The following EHHADH variants were observed in gnomAD, a reference collection of about 807,000 sequenced individuals.
EHHADH encodes enoyl-CoA hydratase and 3-hydroxyacyl CoA dehydrogenase.
EHHADH carries 48 observed loss-of-function variants against 64.4 expected under a neutral mutation model. That is an observed-to-expected ratio of 0.75 (90% CI 0.59 to 0.95). The LOEUF (loss-of-function observed/expected upper bound fraction) is 0.95. EHHADH is among the 40% of genes least tolerant of loss of function. EHHADH has a pLI of 0.00. For synonymous variants in EHHADH, 308 were observed against 326.7 expected, an observed-to-expected ratio of 0.94 and a Z score of 0.62; for missense variants, 854 against 876.6, an observed-to-expected ratio of 0.97 and a Z score of 0.33.
chr3:185,228,962 C>T (rs576587468), intron 4 of EHHADH, among the ~76,000 whole-genome samples: 52 of 151,994 alleles, frequency 3.4e-4, no homozygotes, highest in African/African-American at 1.3e-3. Context: ...TGCCACCATG[C>T]CCAGGTAATT....
chr3:185,229,542 GC>G lies in EHHADH; in HGVS notation c.352del (p.Ala118LeufsTer34), dbSNP rs1401587334. The G allele has an allele frequency of 1.9e-6, 3 of 1,557,012 alleles. No individual in the cohort carries two copies. Among genetic ancestry groups the G allele is most frequent in the African/African-American group, 1.4e-5 (1 of 73,820 alleles). On this transcript the variant is annotated frameshift_variant and splice_region_variant, in exon 4 of 7. Coordinates refer to ENST00000231887, the MANE Select transcript of EHHADH (RefSeq NM_001966.4). LOFTEE classifies it high-confidence loss of function. ...TGTAACTTCTGGTAAGCCAACTTGA[GC>G]CTATCAAAGATTGAAGGCATAAAGG... ...GCHYRIAHAE[A>X]QVGLPEVTLG...
intron 4 of EHHADH, among the ~76,000 whole-genome samples, chr3:185,228,548 C>T (rs1719064769): frequency 1.3e-5 from 2 of 149,518 alleles, no homozygotes; most frequent in African/African-American, 4.9e-5. Context: ...CATGGTAGCA[C>T]ATGCCTGTAA....
intron 6 of EHHADH, among the ~76,000 whole-genome samples, chr3:185,201,692 T>C (rs1425562240): frequency 2.6e-5 from 4 of 152,234 alleles, no homozygotes; most frequent in Non-Finnish European, 2.9e-5. Flanking sequence ...GTGTCTTTTA[T>C]ATATTTAGTA....
At chr3:185,194,199 G>A (rs1717993625) in intron 6 of EHHADH, among the ~76,000 whole-genome samples, 1 of 152,198 alleles carries the variant, frequency 6.6e-6, no homozygotes, top group Admixed American at 6.5e-5. Flanking sequence ...GGTTGGGTGA[G>A]GTGGCTCGTG....
chr3:185,226,434 T>C (rs956495246), intron 4 of EHHADH, among the ~76,000 whole-genome samples: 4 of 151,886 alleles, frequency 2.6e-5, no homozygotes, highest in Admixed American at 2.0e-4. Context: ...GGATCACCTG[T>C]GGTCAGGAGT....
chr3:185,222,241 C>A (rs1718857295), intron 4 of EHHADH, among the ~76,000 whole-genome samples: 1 of 151,938 alleles, frequency 6.6e-6, no homozygotes, highest in African/African-American at 2.4e-5. Context: ...CAAACATTGG[C>A]TGGGTGTGCC....
At chr3:185,240,972 C>G (rs549073286) in intron 2 of EHHADH, among the ~76,000 whole-genome samples, 2 of 152,116 alleles carry the variant, frequency 1.3e-5, no homozygotes, top group African/African-American at 4.8e-5. Flanking sequence ...ACCCTTCCCC[C>G]CCAAATCCCC....
intron 6 of EHHADH, among the ~76,000 whole-genome samples, chr3:185,201,382 G>A (rs1038452312): frequency 5.3e-5 from 8 of 152,200 alleles, no homozygotes; most frequent in Admixed American, 1.3e-4. Context: ...GGGATAGAAC[G>A]ACAAGACCAC....
At chr3:185,210,184 T>C (rs188616076) in intron 5 of EHHADH, among the ~76,000 whole-genome samples, 21 of 152,296 alleles carry the variant, frequency 1.4e-4, no homozygotes, top group Non-Finnish European at 8.8e-5. Flanking sequence ...TGGATCTCTG[T>C]CTTGTGATAC....
chr3:185,206,905 A>AT (rs1553777112), intron 5 of EHHADH, among the ~76,000 whole-genome samples: 1 of 148,180 alleles, frequency 6.7e-6, no homozygotes, highest in African/African-American at 2.5e-5. Context: ...TCAGAATAAC[A>AT]CCCCCCCCAC....
At chr3:185,245,175 C>T (rs1035840424) in intron 2 of EHHADH, among the ~76,000 whole-genome samples, 2 of 152,006 alleles carry the variant, frequency 1.3e-5, no homozygotes, top group African/African-American at 4.8e-5. Flanking sequence ...TTCACTGTTA[C>T]AATAACTTTA....
intron 1 of EHHADH, chr3:185,253,178 G>C (rs974845847): frequency 1.6e-4 from 24 of 152,162 alleles, no homozygotes; most frequent in Non-Finnish European, 2.7e-4. Flanking sequence ...TTGCGTTTCC[G>C]GGCCAGGGCA....
At chr3:185,226,650 C>CAAAAAAA (rs59522852) in intron 4 of EHHADH, among the ~76,000 whole-genome samples, 1 of 133,280 alleles carries the variant, frequency 7.5e-6, no homozygotes, top group African/African-American at 2.9e-5. Flanking sequence ...ACTCCATCTC[C>CAAAAAAA]AAAAAAAAAA....
At chr3:185,226,664 A>AAAG (rs1718985671) in intron 4 of EHHADH, among the ~76,000 whole-genome samples, 1 of 135,750 alleles carries the variant, frequency 7.4e-6, no homozygotes, top group African/African-American at 2.7e-5. Flanking sequence ...AAAAAAAAAA[A>AAAG]AAAGAAAGAA....
At chr3:185,205,079 A>G (rs1718349095) in intron 5 of EHHADH, among the ~76,000 whole-genome samples, 1 of 151,798 alleles carries the variant, frequency 6.6e-6, no homozygotes, top group African/African-American at 2.4e-5. Context: ...TCAATAGATT[A>G]ATATTTAATC....
intron 6 of EHHADH, among the ~76,000 whole-genome samples, chr3:185,194,028 T>A (rs1717989525): frequency 6.6e-6 from 1 of 152,170 alleles, no homozygotes; most frequent in African/African-American, 2.4e-5. Context: ...CCAACACAAT[T>A]CCTATAAAAA....
chr3:185,244,917 T>C (rs1394037936), intron 2 of EHHADH, among the ~76,000 whole-genome samples: 1 of 152,208 alleles, frequency 6.6e-6, no homozygotes, highest in Non-Finnish European at 1.5e-5. Context: ...AAGAAACTAA[T>C]AGAGAAAGTG....
intron 6 of EHHADH, among the ~76,000 whole-genome samples, chr3:185,196,596 C>T (rs531494813): frequency 7.2e-5 from 11 of 152,170 alleles, no homozygotes; most frequent in African/African-American, 1.9e-4. Flanking sequence ...TCCGAAATCA[C>T]GCCGTTGCAC....
chr3:185,253,205 AC>A (rs1168821415), intron 1 of EHHADH: 14 of 149,060 alleles, frequency 9.4e-5, no homozygotes, highest in Non-Finnish European at 1.5e-4. Flanking sequence ...TGCTTTAATC[AC>A]TGAGCTGGCA....
Sources: gnomAD v4.1 joint callset for allele counts (sites outside exome capture counted in the v4.1 genomes callset) on GRCh38, gnomAD v4.1.1 for gene constraint, MANE v1.5 for transcripts, NCBI Gene and HGNC (gene_info 2026-07-23, HGNC 2026-07-21) for gene names.